Variants in PTPRF observed in about 807,000 individuals in gnomAD.
The protein encoded by PTPRF is protein tyrosine phosphatase receptor type F.
A neutral mutation model predicts 201.8 loss-of-function variants in PTPRF; 59 were observed. The ratio of observed to expected loss-of-function variants is 0.29; its 90% CI spans 0.24 to 0.36. PTPRF has a LOEUF of 0.36. PTPRF is among the 10% of genes least tolerant of loss of function. The pLI is 1.00. For synonymous variants in PTPRF, 1,088 were observed against 1,089.7 expected, an observed-to-expected ratio of 1.00 and a Z score of 0.03; for missense variants, 2,132 against 2,690.5, an observed-to-expected ratio of 0.79 and a Z score of 4.59.
At chr1:43,530,166 T>A (rs529973285), upstream of PTPRF, among the ~76,000 whole-genome samples, 3 of 152,094 alleles carry the variant, frequency 2.0e-5, no homozygotes, top group South Asian at 6.2e-4. The surrounding 1 kb of genome is among the most constrained non-coding windows in gnomAD (Gnocchi z 4.1). Flanking sequence ...GGGGTCCTTT[T>A]ATGGTGACCC....
Position 43,618,726 on chromosome 1 carries a change from G to C in PTPRF, c.4468G>C (p.Val1490Leu). 2 of 1,609,870 alleles carry C rather than the reference G, an allele frequency of 1.2e-6. No individual in the cohort carries two copies. Among genetic ancestry groups the C allele is most frequent in the Non-Finnish European group, 1.7e-6 (2 of 1,176,576 alleles). The stretch of plus-strand genomic sequence containing the variant: ...CACAGTGGAGCTGGCCACATACACT[G>C]TGCGCACCTTCGCACTCCACAAGGT... ...LDTVELATYT[V>L]RTFALHKSGS... The change falls in exon 26 of 34, where the codon GTG (valine) becomes CTG (leucine). Residue 1490 changes from valine to leucine, a missense_variant. Physicochemically the swap from Val to Leu is conservative, Grantham distance 32 (BLOSUM62 1). Coordinates refer to ENST00000359947, the MANE Select transcript of PTPRF (RefSeq NM_002840.5).
intron 2 of PTPRF, among the ~76,000 whole-genome samples, 151 bp from the exon 3 acceptor site, chr1:43,544,880 G>C (rs764609489): frequency 6.6e-6 from 1 of 152,124 alleles, no homozygotes; most frequent in Non-Finnish European, 1.5e-5. Context: ...AGAAGGTCTA[G>C]GTGGTCATTG....
intron 30 of PTPRF, 54 bp from the exon 31 acceptor site, chr1:43,620,400 C>A (rs1366465549): frequency 1.3e-6 from 2 of 1,557,064 alleles, no homozygotes; most frequent in African/African-American, 2.7e-5. Context: ...AAGCCTGGCA[C>A]CCCTCCCCTA....
intron 22 of PTPRF, 162 bp from the exon 23 acceptor site, chr1:43,613,456 C>A: frequency 3.0e-6 from 2 of 665,940 alleles, no homozygotes; most frequent in Non-Finnish European, 5.6e-6. Flanking sequence ...TCCCACCCTC[C>A]GCCATCCCTG....
intron 5 of PTPRF, among the ~76,000 whole-genome samples, chr1:43,559,902 T>C (rs1458149578): frequency 6.7e-6 from 1 of 149,180 alleles, no homozygotes; most frequent in Non-Finnish European, 1.5e-5. Context: ...GCTGTGTGTG[T>C]GTGTGCGCGC....
chr1:43,573,879 G>A (rs1161613870), intron 6 of PTPRF, among the ~76,000 whole-genome samples: 1 of 151,556 alleles, frequency 6.6e-6, no homozygotes, highest in Non-Finnish European at 1.5e-5. Context: ...CCAAGTCCTG[G>A]CGTGGATGAC....
At chr1:43,551,747 G>A (rs956092558) in intron 3 of PTPRF, among the ~76,000 whole-genome samples, 4 of 152,178 alleles carry the variant, frequency 2.6e-5, no homozygotes, top group African/African-American at 9.7e-5. Context: ...GATAATGCTG[G>A]TACGAGTGAC....
chr1:43,617,411 AC>A (rs1434867967), intron 23 of PTPRF, 33 bp from the exon 24 acceptor site: 2 of 1,613,010 alleles, frequency 1.2e-6, no homozygotes, highest in East Asian at 2.2e-5. Context: ...CTTGGCTCTT[AC>A]CCCACCCCAC....
chr1:43,579,679 A>C (rs1482536850), intron 7 of PTPRF: 1 of 189,374 alleles, frequency 5.3e-6, no homozygotes, highest in Non-Finnish European at 1.1e-5. Flanking sequence ...CTGAGAACAC[A>C]CTGGGTCTGG....
At chr1:43,597,275 A>G (rs538652631) in intron 11 of PTPRF, among the ~76,000 whole-genome samples, 1 of 152,190 alleles carries the variant, frequency 6.6e-6, no homozygotes, top group East Asian at 1.9e-4. Flanking sequence ...ATGACACTGT[A>G]TATGTGTGAC....
chr1:43,575,976 G>T (rs758111489), intron 6 of PTPRF: 1 of 1,358,010 alleles, frequency 7.4e-7, no homozygotes, highest in Admixed American at 1.9e-5. Flanking sequence ...TGCCACTGCC[G>T]TCACCTCCAC....
intron 7 of PTPRF, among the ~76,000 whole-genome samples, chr1:43,586,497 A>G (rs1014260041): frequency 6.6e-6 from 1 of 152,224 alleles, no homozygotes; most frequent in African/African-American, 2.4e-5. Flanking sequence ...CTTGCCAGCC[A>G]TGCCCCGGGA....
At chr1:43,596,939 A>G (rs902154839) in intron 11 of PTPRF, among the ~76,000 whole-genome samples, 3 of 152,104 alleles carry the variant, frequency 2.0e-5, no homozygotes, top group Non-Finnish European at 4.4e-5. Flanking sequence ...AGACACGGGT[A>G]TGTGATACTC....
At chr1:43,590,886 A>G in intron 8 of PTPRF, 86 bp from the exon 9 acceptor site, 2 of 1,258,740 alleles carry the variant, frequency 1.6e-6, no homozygotes, top group East Asian at 2.3e-5. Flanking sequence ...TGACCCCACC[A>G]GATATCCTGG....
chr1:43,595,118 A>T (rs1467350614), intron 11 of PTPRF, among the ~76,000 whole-genome samples: 3 of 152,186 alleles, frequency 2.0e-5, no homozygotes, highest in African/African-American at 7.2e-5. Flanking sequence ...GCAAGCCTAG[A>T]CGTTGCCAGA....
Position 43,532,350 on chromosome 1 carries a change from G to C in PTPRF, c.-126+1260G>C, listed in dbSNP as rs74071936. Among the ~76,000 whole-genome samples the C allele has an allele frequency of 5.9e-3, 895 of 152,348 alleles. 7 individuals are homozygous for C. Among genetic ancestry groups the C allele is most frequent in the African/African-American group, 0.021 (855 of 41,590 alleles). On this transcript the variant is annotated intron_variant, in intron 1 of 33. Coordinates refer to ENST00000359947, the MANE Select transcript of PTPRF (RefSeq NM_002840.5). The stretch of plus-strand genomic sequence containing the variant: ...CCTGCCTGAGCTGTGAAATGGGAGA[G>C]GGAGGCTGCCCCAGCCTGGGGGTTG...
intron 8 of PTPRF, among the ~76,000 whole-genome samples, chr1:43,590,300 G>C (rs1461220243): frequency 6.6e-6 from 1 of 152,158 alleles, no homozygotes; most frequent in Admixed American, 6.5e-5. Context: ...AGAATCATGA[G>C]TACGATCGAC....
intron 5 of PTPRF, among the ~76,000 whole-genome samples, chr1:43,562,679 T>C (rs1557716865): frequency 6.6e-6 from 1 of 152,068 alleles, no homozygotes; most frequent in Non-Finnish European, 1.5e-5. Flanking sequence ...CCCAGAGTGC[T>C]GGGATTACAG....
rs564663008 is a variant in PTPRF at position 43,578,674 on chromosome 1, G to A, written c.569-136G>A. ...CAGGGAGAGCTTCCTGGAAGCAGCA[G>A]GGGTGCCAGGGTGTGGCCTGGATGA... On this transcript the variant is annotated intron_variant, in intron 6 of 33. Coordinates refer to ENST00000359947, the MANE Select transcript of PTPRF (RefSeq NM_002840.5). The A allele has an allele frequency of 5.3e-4, 348 of 655,842 alleles. 4 individuals are homozygous for A. In the African/African-American group the frequency reaches 5.7e-3, roughly 11 times the overall value. 40.6% of individuals were successfully genotyped at this position (655,842 alleles called of 1,614,324 possible). A position where few individuals can be genotyped will look rare whatever the true frequency, so the allele number is the denominator to read the frequency against.
Sources: allele counts gnomAD v4.1 joint callset (sites outside exome capture counted in the v4.1 genomes callset), GRCh38; gene constraint gnomAD v4.1.1; non-coding constraint Gnocchi (gnomAD v3.1); transcripts MANE v1.5; gene names NCBI Gene and HGNC (gene_info 2026-07-23, HGNC 2026-07-21).